GRIK3: variants seen among roughly 807,000 people sequenced by gnomAD.
GRIK3 encodes glutamate receptor ionotropic, kainate 3.
GRIK3 carries 29 observed loss-of-function variants against 102.5 expected under a neutral mutation model. The observed-to-expected ratio is 0.28, with a 90% CI of 0.21 to 0.39. The LOEUF is 0.39. Ranked by LOEUF, GRIK3 falls within the 10% of genes least tolerant of loss-of-function variation. The pLI, the probability that GRIK3 is intolerant of heterozygous loss-of-function variation, is 1.00. For synonymous variants in GRIK3, 511 were observed against 504.9 expected, an observed-to-expected ratio of 1.01 and a Z score of -0.16; for missense variants, 908 against 1,252.4, an observed-to-expected ratio of 0.73 and a Z score of 4.15.
chr1:36,990,233 C>G (rs1642349942), intron 1 of GRIK3, among the ~76,000 whole-genome samples: 1 of 152,198 alleles, frequency 6.6e-6, no homozygotes, highest in Non-Finnish European at 1.5e-5. Context: ...TATGAGCCAG[C>G]CTTGACAGTC....
chr1:36,881,002 G>A (rs1640969712), intron 2 of GRIK3, 111 bp from the exon 3 acceptor site: 6 of 1,176,754 alleles, frequency 5.1e-6, no homozygotes, highest in Non-Finnish European at 7.1e-6. Context: ...TGGAACCCTC[G>A]GTGGGTGCAC....
At chr1:37,025,009 C>T (rs1445034775) in intron 1 of GRIK3, among the ~76,000 whole-genome samples, 1 of 152,160 alleles carries the variant, frequency 6.6e-6, no homozygotes, top group Non-Finnish European at 1.5e-5. Flanking sequence ...CAAAGTCACA[C>T]AGCCAGGAGG....
intron 5 of GRIK3, 101 bp downstream of exon 5, chr1:36,869,647 G>T: frequency 2.2e-6 from 2 of 903,286 alleles, no homozygotes; most frequent in African/African-American, 1.6e-5. Flanking sequence ...TGAGGAAGCT[G>T]CAGCAATTGT....
intron 11 of GRIK3, among the ~76,000 whole-genome samples, chr1:36,820,586 C>T (rs1038806328): frequency 6.6e-6 from 1 of 152,138 alleles, no homozygotes; most frequent in Admixed American, 6.5e-5. Flanking sequence ...ATTGCTCTAT[C>T]TGCATTACAT....
intron 1 of GRIK3, among the ~76,000 whole-genome samples, chr1:37,017,410 G>T (rs985776028): frequency 1.5e-5 from 2 of 134,758 alleles, no homozygotes; most frequent in Non-Finnish European, 3.2e-5. Context: ...AAGAAAAAAA[G>T]GTGTTGAGCT....
At chr1:36,870,046 T>G (rs1640825284) in intron 4 of GRIK3, among the ~76,000 whole-genome samples, 1 of 152,242 alleles carries the variant, frequency 6.6e-6, no homozygotes, top group Non-Finnish European at 1.5e-5. Context: ...TTGGGTCACA[T>G]TCTTCAAAGA....
At chr1:37,021,002 G>T (rs896505895) in intron 1 of GRIK3, among the ~76,000 whole-genome samples, 5 of 152,172 alleles carry the variant, frequency 3.3e-5, no homozygotes, top group Admixed American at 3.3e-4. Flanking sequence ...CAGTGTGGAA[G>T]AGTGTTTCAC....
chr1:37,011,367 T>C (rs568815050), intron 1 of GRIK3, among the ~76,000 whole-genome samples: 1 of 152,320 alleles, frequency 6.6e-6, no homozygotes, highest in Non-Finnish European at 1.5e-5. Context: ...ACACTATTAG[T>C]TAATTTTGCC....
intron 13 of GRIK3, among the ~76,000 whole-genome samples, chr1:36,811,578 T>A (rs1053324066): frequency 3.9e-5 from 6 of 152,306 alleles, no homozygotes; most frequent in African/African-American, 1.4e-4. Flanking sequence ...GGTGAATACA[T>A]GAATTATCAC....
intron 9 of GRIK3, among the ~76,000 whole-genome samples, chr1:36,849,031 T>C (rs774211805): frequency 2.0e-5 from 3 of 152,124 alleles, no homozygotes; most frequent in Non-Finnish European, 2.9e-5. Flanking sequence ...CATCTTTAGC[T>C]CAGATCCTCT....
At chr1:37,014,277 A>G (rs757187929) in intron 1 of GRIK3, among the ~76,000 whole-genome samples, 12 of 152,238 alleles carry the variant, frequency 7.9e-5, no homozygotes, top group Admixed American at 5.2e-4. Context: ...ATCTATATTC[A>G]GCACCTAGGA....
chr1:36,832,405 C>T (rs991032084), intron 10 of GRIK3, among the ~76,000 whole-genome samples: 5 of 152,316 alleles, frequency 3.3e-5, no homozygotes, highest in South Asian at 2.1e-4. Context: ...AAGTCACAGA[C>T]GGTGTCTGCT....
chr1:36,952,631 C>A (rs766571329), intron 1 of GRIK3, among the ~76,000 whole-genome samples: 19 of 152,106 alleles, frequency 1.2e-4, no homozygotes, highest in Non-Finnish European at 2.8e-4. Context: ...CTGATGGGTG[C>A]CGGGTCAACA....
intron 1 of GRIK3, among the ~76,000 whole-genome samples, chr1:36,924,360 A>G (rs1331139654): frequency 6.6e-6 from 1 of 152,128 alleles, no homozygotes; most frequent in East Asian, 1.9e-4. Context: ...GTGCTGTGCA[A>G]TTTTGGCATC....
At chr1:36,920,762 C>G (rs961470005) in intron 1 of GRIK3, among the ~76,000 whole-genome samples, 1 of 152,232 alleles carries the variant, frequency 6.6e-6, no homozygotes, top group Non-Finnish European at 1.5e-5. Flanking sequence ...ACACCCACAC[C>G]TGAGTTTCAC....
At chr1:36,925,812 T>A (rs1641520154) in intron 1 of GRIK3, among the ~76,000 whole-genome samples, 1 of 152,198 alleles carries the variant, frequency 6.6e-6, no homozygotes, top group Admixed American at 6.5e-5. Context: ...GCTGGTGTAG[T>A]GGGAGCGTGG....
In GRIK3 at chr1:36,841,792, C is replaced by T. The variant is rs2124216709; in HGVS notation, c.1474G>A (p.Gly492Arg). The change falls in exon 10 of 16, where the codon GGG becomes AGG. Residue 492 changes from glycine to arginine, a missense_variant. By Grantham distance (125) the Gly-to-Arg change is moderately radical. This residue lies in a region of GRIK3 where 585 missense variants were observed against 824.9 expected (regional missense o/e 0.71). Coordinates refer to ENST00000373091, the MANE Select transcript of GRIK3 (RefSeq NM_000831.4). ...EIRLVEDGKYGAQDDKGQWNG... is the reference protein window; with the variant it reads ...EIRLVEDGKYRAQDDKGQWNG... ...CACTGGCCCTTGTCATCCTGTGCCC[C>T]GTACTTGCCGTCCTCCACCAGCCGG... The T allele has an allele frequency of 1.2e-6, 2 of 1,614,210 alleles. No individual in the cohort carries two copies. Among genetic ancestry groups the T allele is most frequent in the Non-Finnish European group, 1.7e-6 (2 of 1,180,028 alleles).
chr1:37,014,063 G>A (rs554276710), intron 1 of GRIK3, among the ~76,000 whole-genome samples: 1 of 152,350 alleles, frequency 6.6e-6, no homozygotes, highest in Admixed American at 6.5e-5. Flanking sequence ...TTCTTCACAA[G>A]GCAGGCTTCT....
chr1:36,832,992 T>A (rs1181935852), intron 10 of GRIK3, among the ~76,000 whole-genome samples: 2 of 152,158 alleles, frequency 1.3e-5, no homozygotes, highest in African/African-American at 2.4e-5. Context: ...AAATTTTTAT[T>A]TGTAAGTCAC....
Sources: allele counts gnomAD v4.1 joint callset (sites outside exome capture counted in the v4.1 genomes callset), GRCh38; gene constraint gnomAD v4.1.1; regional missense constraint gnomAD v4.1.1; transcripts MANE v1.5; gene names NCBI Gene and HGNC (gene_info 2026-07-23, HGNC 2026-07-21).